STAT2: variants seen among roughly 807,000 people sequenced by gnomAD.
The protein encoded by STAT2 is signal transducer and activator of transcription 2, also known as interferon alpha induced transcriptional activator.
A neutral mutation model predicts 122.3 loss-of-function variants in STAT2; 51 were observed. That is an observed-to-expected ratio of 0.42 (90% CI 0.33 to 0.53). The LOEUF is 0.53. Ranked by LOEUF, STAT2 falls within the 20% of genes least tolerant of loss-of-function variation. The pLI, the probability that STAT2 is intolerant of heterozygous loss-of-function variation, is 0.10. For synonymous variants in STAT2, 351 were observed against 394.9 expected, an observed-to-expected ratio of 0.89 and a Z score of 1.32; for missense variants, 736 against 1,010.3, an observed-to-expected ratio of 0.73 and a Z score of 3.68.
At chr12:56,346,371 G>A in intron 21 of STAT2, 71 bp downstream of exon 21, 1 of 1,587,106 alleles carries the variant, frequency 6.3e-7, no homozygotes, top group East Asian at 2.2e-5. Flanking sequence ...TGCTTTAAAG[G>A]AAGGAGTGGG....
chr12:56,356,340 A>G, intron 2 of STAT2, 55 bp from the exon 3 acceptor site: 1 of 1,605,970 alleles, frequency 6.2e-7, no homozygotes, highest in South Asian at 1.1e-5. Context: ...TGTAGTCCTG[A>G]GGCTTTCCAA....
chr12:56,349,820 G>A (rs943939196), intron 13 of STAT2, 184 bp from the exon 14 acceptor site: 6 of 778,954 alleles, frequency 7.7e-6, no homozygotes, highest in South Asian at 1.7e-5. Context: ...AGGCTGAGGC[G>A]GGTGGATCAC....
chr12:56,346,725 T>C (rs1877519206), intron 20 of STAT2, 94 bp downstream of exon 20: 12 of 1,603,966 alleles, frequency 7.5e-6, no homozygotes, highest in Admixed American at 1.7e-5. Context: ...AGGGATTCAG[T>C]TCAGAGCCAG....
chr12:56,354,016 A>AATATATATATATAT (rs1555171512), intron 8 of STAT2, among the ~76,000 whole-genome samples: 15 of 16,696 alleles, frequency 9.0e-4, no homozygotes, highest in Admixed American at 2.9e-3. Flanking sequence ...AAAAAAAAAA[A>AATATATATATATAT]ATATATATAT....
At chr12:56,352,204 T>C (rs554322084) in intron 8 of STAT2, among the ~76,000 whole-genome samples, 1 of 152,062 alleles carries the variant, frequency 6.6e-6, no homozygotes, top group East Asian at 1.9e-4. Context: ...CAGCCCCAAC[T>C]CACATTTTTA....
intron 19 of STAT2, among the ~76,000 whole-genome samples, chr12:56,348,273 G>A (rs1877849352): frequency 1.3e-5 from 2 of 151,820 alleles, no homozygotes; most frequent in Admixed American, 1.3e-4. Flanking sequence ...ATTTTTAGTA[G>A]AGACGGGGTT....
At position 56,349,621 on chromosome 12, in the gene STAT2, G is replaced by A. The variant is rs1878128371; in HGVS notation, c.1225C>T (p.Arg409Cys). Residue 409 changes from arginine (R) to cysteine (C), a missense_variant, in exon 14 of 24, where the codon CGT becomes TGT. By Grantham distance (180) the Arg-to-Cys change is radical. Transcript: ENST00000314128. ...CTGCCCTTTCCTGAACCACCTGAAC[G>A]TTGCTCCACCAGAGTCTGTGAATTG... ...DFGYLTLVEQ[R>C]SGGSGKGSNK... The A allele has an allele frequency of 2.5e-6, 4 of 1,614,010 alleles. No homozygotes were observed. The highest frequency in any genetic ancestry group is 1.3e-5 in the African/African-American group (1 of 74,888).
chr12:56,351,474 A>T, intron 8 of STAT2, 24 bp from the exon 9 acceptor site: 1 of 1,609,398 alleles, frequency 6.2e-7, no homozygotes, highest in Non-Finnish European at 8.5e-7. Context: ...TTCAGGAAGA[A>T]GGAATCCATG....
Position 56,351,468 on chromosome 12 carries a change from G to A in STAT2, c.783-18C>T. On this transcript the variant is annotated intron_variant, in intron 8 of 23. Transcript: ENST00000314128. ...CTGTGAACCTGGGTGATAAAATTCA[G>A]GAAGAAGGAATCCATGAGTTTCCTG... 2 of 1,609,588 alleles carry A rather than the reference G, an allele frequency of 1.2e-6. No individual in the cohort carries two copies. The highest frequency in any genetic ancestry group is 1.7e-6 in the Non-Finnish European group (2 of 1,178,146).
chr12:56,354,275 A>C, intron 8 of STAT2, 191 bp downstream of exon 8: 1 of 682,876 alleles, frequency 1.5e-6, no homozygotes, highest in Non-Finnish European at 2.3e-6. Flanking sequence ...CCTTTCCCTG[A>C]AGGAGACTGG....
chr12:56,348,669 G>A lies in STAT2; in HGVS notation c.1630-46C>T, dbSNP rs777599234. ...TAGCAAAAGCTGAGGAGTTGCCTCT[G>A]GTGTAGGGAAGGAGGGACGTGGGAA... On this transcript the variant is annotated intron_variant, in intron 18 of 23. Transcript: ENST00000314128. The A allele has an allele frequency of 1.2e-5, 20 of 1,614,026 alleles. No homozygotes were observed. In the South Asian group the frequency reaches 1.6e-4, roughly 13 times the overall value.
rs1033228547 is a variant in STAT2, at chr12:56,348,090, T to G, written c.1724+439A>C. Among the ~76,000 whole-genome samples the G allele has an allele frequency of 3.4e-5, 5 of 147,904 alleles. No homozygotes were observed. In the South Asian group the frequency reaches 8.8e-4, roughly 26 times the overall value. On this transcript the variant is annotated intron_variant, in intron 19 of 23. Coordinates refer to ENST00000314128, the MANE Select transcript of STAT2 (RefSeq NM_005419.4). The stretch of plus-strand genomic sequence containing the variant: ...CTGTTTATGGCTATTATTGGTTGTT[T>G]TTTTTTTTTTTTTTTTGAGACGGAG...
intron 19 of STAT2, 31 bp from the exon 20 acceptor site, chr12:56,346,986 G>A (rs776316054): frequency 1.6e-5 from 26 of 1,608,578 alleles, no homozygotes; most frequent in East Asian, 1.1e-4. Flanking sequence ...GTGAGACACC[G>A]CCCAACACCC....
chr12:56,354,945 G>T, intron 6 of STAT2, 82 bp from the exon 7 acceptor site: 1 of 1,398,180 alleles, frequency 7.2e-7, no homozygotes, highest in Non-Finnish European at 1.0e-6. Context: ...CAGGAAGGAG[G>T]AATTTTGTGG....
intron 1 of STAT2, among the ~76,000 whole-genome samples, chr12:56,357,564 C>T (rs1879707738): frequency 6.6e-6 from 1 of 151,900 alleles, no homozygotes; most frequent in Admixed American, 6.6e-5. Flanking sequence ...CCAGGATGGT[C>T]TCGATCTCCT....
chr12:56,354,660 C>T (rs754794178), intron 7 of STAT2, 46 bp from the exon 8 acceptor site: 78 of 1,612,936 alleles, frequency 4.8e-5, no homozygotes, highest in Admixed American at 1.7e-5. Flanking sequence ...CCCTTTCACC[C>T]TCCACCACCC....
rs140479511 is a variant in STAT2 at position 56,348,001 on chromosome 12, G to A, written c.1724+528C>T. ...CACCACTCAGCATGGTTGTAAGGAT[G>A]AGATGAGAGAATTAATGAAGAGCAC... On this transcript the variant is annotated intron_variant, in intron 19 of 23. Transcript: ENST00000314128. Among the ~76,000 whole-genome samples, 7 of 151,972 alleles carry A rather than the reference G, an allele frequency of 4.6e-5. No individual in the cohort carries two copies. The South Asian group carries it at 1.0e-3, about 23-fold the overall frequency.
rs1555169411 is a variant in STAT2 at position 56,345,524 on chromosome 12, A to AATATATATATAT, written c.2102+610_2102+621dup. Among the ~76,000 whole-genome samples, 29 of 26,248 alleles carry AATATATATATAT rather than the reference A, an allele frequency of 1.1e-3. 6 individuals carry two copies. In the African/African-American group the frequency reaches 0.012, roughly 11 times the overall value. 17.2% of individuals were successfully genotyped at this position (26,248 alleles called of 152,430 possible). A position where few individuals can be genotyped will look rare whatever the true frequency, so the allele number is the denominator to read the frequency against. On this transcript the variant is annotated intron_variant, in intron 22 of 23. Transcript: ENST00000314128. ...AAAAAAAAAAAAAAAAAAAAAAAAA[A>AATATATATATAT]ATATATATATATGCGGGGTGTGGTG...
intron 18 of STAT2, 56 bp from the exon 19 acceptor site, chr12:56,348,679 A>C: frequency 6.2e-7 from 1 of 1,614,028 alleles, no homozygotes; most frequent in Non-Finnish European, 8.5e-7. Context: ...GGTGTAGGGA[A>C]GGAGGGACGT....
Sources: gnomAD v4.1 joint callset for allele counts (sites outside exome capture counted in the v4.1 genomes callset) on GRCh38, gnomAD v4.1.1 for gene constraint, MANE v1.5 for transcripts, NCBI Gene and HGNC (gene_info 2026-07-23, HGNC 2026-07-21) for gene names.